ADGRV1: variants seen among roughly 807,000 people sequenced by gnomAD.
ADGRV1 encodes G-protein coupled receptor 98.
In ADGRV1, 359 loss-of-function variants were observed where a neutral mutation model predicts 596.2. The observed-to-expected ratio is 0.60, with a 90% CI of 0.55 to 0.66. The LOEUF (loss-of-function observed/expected upper bound fraction) is 0.66. Among genes scored for constraint, ADGRV1 ranks in the 30% least tolerant of loss-of-function variants. ADGRV1 has a pLI of 0.00. For missense variants in ADGRV1, 7,274 were observed against 7,575.6 expected (o/e 0.96, Z 1.48); for synonymous variants, 2,681 against 2,679.2 (o/e 1.00, Z -0.02).
At chr5:90,775,842 A>C (rs1758167274) in intron 60 of ADGRV1, among the ~76,000 whole-genome samples, 1 of 152,162 alleles carries the variant, frequency 6.6e-6, no homozygotes, top group South Asian at 2.1e-4. Flanking sequence ...CCATTAATCC[A>C]TTGCCAAAGA....
Position 91,050,716 on chromosome 5 carries a change from C to G in ADGRV1, c.18153-21731C>G, listed in dbSNP as rs532415703. On this transcript the variant is annotated intron_variant, in intron 85 of 89. Coordinates refer to ENST00000405460, the MANE Select transcript of ADGRV1 (RefSeq NM_032119.4). ...TCTACAAAATAAATTAAAAATTAGC[C>G]AGGCATGGTGGTGTGTGCCTGTGGT... 5.0e-3 allele frequency among the ~76,000 whole-genome samples: 759 copies of G among 152,114 alleles called. 2 individuals carry two copies. Among genetic ancestry groups the G allele is most frequent in the Non-Finnish European group, 8.0e-3 (542 of 67,986 alleles).
rs1328759140 is a variant in ADGRV1, at chr5:90,646,056, G to A, written c.2987G>A (p.Arg996Lys). ...KVGNRTTATL[R>K]IRRNDDPIYF... ...GGAAATAGAACAACTGCAACTCTGAGGATTAGAAGAAATGATGACCCCATT... is the reference window on the plus strand; with the variant it reads ...GGAAATAGAACAACTGCAACTCTGAAGATTAGAAGAAATGATGACCCCATT... The change falls in exon 16 of 90, where the codon AGG becomes AAG. Residue 996 changes from arginine (R) to lysine (K), a missense_variant. Physicochemically the swap from Arg to Lys is conservative, Grantham distance 26. Coordinates refer to ENST00000405460, the MANE Select transcript of ADGRV1 (RefSeq NM_032119.4). The A allele has an allele frequency of 6.3e-7, 1 of 1,596,738 alleles. No individual in the cohort carries two copies. The highest frequency in any genetic ancestry group is 1.7e-5 in the Admixed American group (1 of 58,220).
At chr5:91,021,944 T>G (rs778901439) in intron 85 of ADGRV1, among the ~76,000 whole-genome samples, 1 of 152,050 alleles carries the variant, frequency 6.6e-6, no homozygotes, top group Non-Finnish European at 1.5e-5. Flanking sequence ...TGTAACTGAT[T>G]GCCTACCTGT....
chr5:90,825,351 G>C (rs1763984832), intron 76 of ADGRV1, among the ~76,000 whole-genome samples: 1 of 151,890 alleles, frequency 6.6e-6, no homozygotes, highest in Non-Finnish European at 1.5e-5. Context: ...AACATTATCT[G>C]TTCCTTTCCT....
intron 83 of ADGRV1, among the ~76,000 whole-genome samples, chr5:90,960,137 CAAA>C (rs35383493): frequency 1.9e-5 from 2 of 103,990 alleles, no homozygotes; most frequent in African/African-American, 3.6e-5. Context: ...AGACTCATCT[CAAA>C]AAAAAAAAAA....
intron 34 of ADGRV1, among the ~76,000 whole-genome samples, chr5:90,697,774 C>G (rs1025166962): frequency 1.3e-5 from 2 of 151,924 alleles, no homozygotes; most frequent in Admixed American, 6.6e-5. Context: ...TAAAACATAA[C>G]AGTGTTTTTG....
intron 73 of ADGRV1, among the ~76,000 whole-genome samples, chr5:90,809,539 CAAGA>C (rs1363436203): frequency 6.6e-6 from 1 of 152,068 alleles, no homozygotes; most frequent in East Asian, 1.9e-4. Flanking sequence ...GGCTGCTTGA[CAAGA>C]GAGAGTAATG....
At position 90,651,687 on chromosome 5, in the gene ADGRV1, C is replaced by A. The variant is rs1768649977; in HGVS notation, c.3373C>A (p.Pro1125Thr). The change falls in exon 18 of 90, where the codon CCC becomes ACC. Residue 1125 changes from proline (P) to threonine (T), a missense_variant. By Grantham distance (38) the Pro-to-Thr change is conservative. Transcript: ENST00000405460. ...CCCAAATGGCATTTTTTCTCTGGAG[C>A]CCATAGACAAAGCAGTGGAAGAAGG... is the stretch of plus-strand genomic sequence containing the variant. The part of the protein sequence containing the change: ...DDPNGIFSLE[P>T]IDKAVEEGKT... 1.2e-6 allele frequency: 2 copies of A among 1,612,358 alleles called. No individual in the cohort carries two copies. Among genetic ancestry groups the A allele is most frequent in the South Asian group, 2.2e-5 (2 of 90,932 alleles).
At chr5:90,632,488 A>G (rs540481019) in intron 9 of ADGRV1, among the ~76,000 whole-genome samples, 35 of 152,326 alleles carry the variant, frequency 2.3e-4, no homozygotes, top group Admixed American at 1.4e-3. Context: ...AAAAATCTGT[A>G]CCAATATCAG....
intron 5 of ADGRV1, among the ~76,000 whole-genome samples, chr5:90,624,593 A>G (rs1764498218): frequency 6.6e-6 from 1 of 152,148 alleles, no homozygotes; most frequent in Non-Finnish European, 1.5e-5. Flanking sequence ...GATACTTATT[A>G]TCATCTAACG....
intron 83 of ADGRV1, among the ~76,000 whole-genome samples, chr5:90,950,577 C>T (rs142266025): frequency 0.011 from 1,706 of 152,236 alleles, 43 homozygotes; most frequent in African/African-American, 0.04. Context: ...CCACCTTGGC[C>T]TCCCAAAGTG....
intron 54 of ADGRV1, among the ~76,000 whole-genome samples, chr5:90,754,106 ACTTTAT>A (rs1478232469): frequency 2.6e-5 from 4 of 151,948 alleles, no homozygotes; most frequent in African/African-American, 9.7e-5. Context: ...TTTTTATTTT[ACTTTAT>A]CTTTTTCATC....
At chr5:90,736,616 A>G (rs551552889) in intron 50 of ADGRV1, among the ~76,000 whole-genome samples, 12 of 152,034 alleles carry the variant, frequency 7.9e-5, no homozygotes, top group Non-Finnish European at 1.0e-4. Context: ...CTTTGATATG[A>G]GTCGTTTTAT....
intron 18 of ADGRV1, 52 bp from the exon 19 acceptor site, chr5:90,652,294 C>G (rs969936058): frequency 1.9e-5 from 24 of 1,263,788 alleles, no homozygotes; most frequent in Non-Finnish European, 2.5e-5. Context: ...ACAGGAAGCT[C>G]TCATTAGAGT....
intron 87 of ADGRV1, among the ~76,000 whole-genome samples, chr5:91,115,347 A>G (rs1792758359): frequency 2.0e-5 from 3 of 152,180 alleles, no homozygotes; most frequent in Admixed American, 2.0e-4. Flanking sequence ...CTGATTGCCT[A>G]CTAATAAATG....
chr5:90,957,106 A>G lies in ADGRV1; in HGVS notation c.17857-8309A>G, dbSNP rs540977125. Among the ~76,000 whole-genome samples, 6 of 152,310 alleles carry G rather than the reference A, an allele frequency of 3.9e-5. No homozygotes were observed. In the South Asian group the frequency reaches 1.0e-3, roughly 26 times the overall value. On this transcript the variant is annotated intron_variant, in intron 83 of 89. Transcript: ENST00000405460. ...TAAGTATGGCATTATTCCAAGTGGCACATCATCCAGGCAATCTCTACTAAG... is the reference window on the plus strand; with the variant it reads ...TAAGTATGGCATTATTCCAAGTGGCGCATCATCCAGGCAATCTCTACTAAG...
At chr5:90,886,154 A>C (rs375475581) in intron 83 of ADGRV1, among the ~76,000 whole-genome samples, 3 of 152,150 alleles carry the variant, frequency 2.0e-5, no homozygotes, top group South Asian at 4.1e-4. Context: ...TATTGGCACT[A>C]TTTTATAGGA....
At position 90,628,685 on chromosome 5, in the gene ADGRV1, A is replaced by T. The variant is rs1184244770; in HGVS notation, c.1362A>T (p.Gly454=). Residue 454 remains glycine (G), a synonymous_variant, in exon 8 of 90, where the codon GGA becomes GGT. Coordinates refer to ENST00000405460, the MANE Select transcript of ADGRV1 (RefSeq NM_032119.4). ...CAGCAGATATCAGACCGAGCTCTGGAGTTCTCCATTTTGCACAAGGGCAGA... is the reference window on the plus strand; with the variant it reads ...CAGCAGATATCAGACCGAGCTCTGGTGTTCTCCATTTTGCACAAGGGCAGA... The part of the protein sequence containing the change: ...PVTADIRPSS[G]VLHFAQGQML... The T allele has an allele frequency of 1.2e-6, 2 of 1,613,882 alleles. No individual in the cohort carries two copies.
intron 84 of ADGRV1, among the ~76,000 whole-genome samples, chr5:90,984,148 G>T (rs1780301300): frequency 6.6e-6 from 1 of 152,054 alleles, no homozygotes; most frequent in Non-Finnish European, 1.5e-5. Flanking sequence ...TGAAAATGTT[G>T]TGACTTGCCC....
Sources: allele counts gnomAD v4.1 joint callset (sites outside exome capture counted in the v4.1 genomes callset), GRCh38; gene constraint gnomAD v4.1.1; transcripts MANE v1.5; gene names NCBI Gene and HGNC (gene_info 2026-07-23, HGNC 2026-07-21).